The following CDH18 variants were observed in gnomAD, a reference collection of about 807,000 sequenced individuals.
CDH18 encodes cadherin 18.
In CDH18, 31 loss-of-function variants were observed where a neutral mutation model predicts 67.9. The ratio of observed to expected loss-of-function variants is 0.46; its 90% CI spans 0.34 to 0.62. The LOEUF is 0.62. CDH18 is among the 20% of genes least tolerant of loss of function. CDH18 has a pLI of 0.01. For synonymous variants in CDH18, 362 were observed against 347.2 expected (o/e 1.04, Z -0.48); for missense variants, 890 against 975.5 (o/e 0.91, Z 1.17).
intron 1 of CDH18, among the ~76,000 whole-genome samples, chr5:20,271,628 A>G (rs867073267): frequency 3.3e-5 from 5 of 152,174 alleles, no homozygotes; most frequent in Admixed American, 2.6e-4. Context: ...CACACACCAC[A>G]CACGTCACAC....
At chr5:20,325,712 T>C in intron 1 of CDH18, among the ~76,000 whole-genome samples, 1 of 152,316 alleles carries the variant, frequency 6.6e-6, no homozygotes, top group African/African-American at 2.4e-5. Flanking sequence ...ATTTTCTAGC[T>C]GAGTATCATT....
Position 19,898,900 on chromosome 5 carries a change from C to A in CDH18, c.-256-59658G>T, listed in dbSNP as rs1416100125. Among the ~76,000 whole-genome samples, 20 of 152,062 alleles carry A rather than the reference C, an allele frequency of 1.3e-4. 1 individual carries two copies. Among genetic ancestry groups the A allele is most frequent in the Admixed American group, 1.3e-3 (20 of 15,268 alleles). On this transcript the variant is annotated intron_variant, in intron 2 of 12. Coordinates refer to ENST00000382275, the MANE Select transcript of CDH18 (RefSeq NM_004934.5). ...TGAAATGGGAGAAATATTTGAAAAT[C>A]ATATATCTGTTAAGAGGCTCATTAC...
chr5:20,073,513 T>G (rs890230191), intron 2 of CDH18, among the ~76,000 whole-genome samples: 7 of 152,084 alleles, frequency 4.6e-5, no homozygotes, highest in African/African-American at 1.7e-4. Context: ...AAATTGTGCT[T>G]AGTAATGGGA....
At chr5:19,609,396 GTC>G (rs1748590744) in intron 6 of CDH18, among the ~76,000 whole-genome samples, 1 of 151,888 alleles carries the variant, frequency 6.6e-6, no homozygotes, top group Non-Finnish European at 1.5e-5. Context: ...GCATTATCCA[GTC>G]TCTATGCTCC....
chr5:20,165,536 A>G (rs992210777), intron 2 of CDH18, among the ~76,000 whole-genome samples: 2 of 152,118 alleles, frequency 1.3e-5, no homozygotes, highest in Non-Finnish European at 2.9e-5. Context: ...TATTTCTGTA[A>G]TAAAGTTTTA....
intron 5 of CDH18, among the ~76,000 whole-genome samples, chr5:19,690,635 A>G (rs1461474064): frequency 1.3e-5 from 2 of 151,786 alleles, no homozygotes; most frequent in African/African-American, 4.8e-5. Flanking sequence ...AAAAAAAATC[A>G]GAGACAACAT....
chr5:20,062,702 T>C, intron 2 of CDH18, among the ~76,000 whole-genome samples: 1 of 152,102 alleles, frequency 6.6e-6, no homozygotes, highest in Non-Finnish European at 1.5e-5. Context: ...AGAAAGAAGT[T>C]TTGCATCGCT....
intron 2 of CDH18, among the ~76,000 whole-genome samples, chr5:19,953,334 G>A (rs1795977658): frequency 6.6e-6 from 1 of 152,058 alleles, no homozygotes; most frequent in African/African-American, 2.4e-5. Context: ...TACTTACATA[G>A]AGGAAGATTT....
intron 2 of CDH18, among the ~76,000 whole-genome samples, chr5:20,244,371 T>A (rs1743213345): frequency 6.6e-6 from 1 of 152,136 alleles, no homozygotes; most frequent in African/African-American, 2.4e-5. Context: ...ATTATTAGAC[T>A]TATCATCTTG....
intron 8 of CDH18, among the ~76,000 whole-genome samples, chr5:19,555,969 G>A (rs1205337593): frequency 6.6e-6 from 1 of 152,168 alleles, no homozygotes; most frequent in African/African-American, 2.4e-5. Context: ...ACACTCCCCA[G>A]TATCAGCCCA....
chr5:20,027,590 A>G (rs1049300307), intron 2 of CDH18, among the ~76,000 whole-genome samples: 5 of 152,076 alleles, frequency 3.3e-5, no homozygotes, highest in Non-Finnish European at 7.4e-5. Flanking sequence ...TGTTTCCCCC[A>G]TTTTGCTAGG....
At chr5:20,113,495 C>A (rs547491176) in intron 2 of CDH18, among the ~76,000 whole-genome samples, 1 of 152,294 alleles carries the variant, frequency 6.6e-6, no homozygotes, top group African/African-American at 2.4e-5. Flanking sequence ...ATTGCATTCT[C>A]AAGCCAAGAG....
intron 2 of CDH18, among the ~76,000 whole-genome samples, chr5:20,181,170 C>G (rs983587189): frequency 4.6e-5 from 7 of 152,206 alleles, no homozygotes; most frequent in Middle Eastern, 3.4e-3. Flanking sequence ...GTGTGCTGAA[C>G]TCTTACAGGA....
At chr5:20,425,055 T>C (rs10428625) in intron 1 of CDH18, among the ~76,000 whole-genome samples, 1 of 150,766 alleles carries the variant, frequency 6.6e-6, no homozygotes, top group Non-Finnish European at 1.5e-5. Flanking sequence ...ATGAAAGACT[T>C]AGTCTTAGAG....
intron 4 of CDH18, among the ~76,000 whole-genome samples, chr5:19,736,686 T>C (rs1044014558): frequency 2.4e-4 from 37 of 152,168 alleles, no homozygotes; most frequent in African/African-American, 8.9e-4. Flanking sequence ...TTTGGTTCTA[T>C]GTGTGGGGGT....
intron 6 of CDH18, among the ~76,000 whole-genome samples, chr5:19,611,319 A>G (rs924898959): frequency 6.6e-6 from 1 of 152,210 alleles, no homozygotes; most frequent in Non-Finnish European, 1.5e-5. Flanking sequence ...CAAGCATGCA[A>G]AAGTGCTGTG....
At chr5:19,763,533 G>T (rs1581240533) in intron 3 of CDH18, among the ~76,000 whole-genome samples, 1 of 152,092 alleles carries the variant, frequency 6.6e-6, no homozygotes, top group Admixed American at 6.6e-5. Context: ...TCAATTTGAG[G>T]CATGCTAAAT....
intron 5 of CDH18, among the ~76,000 whole-genome samples, chr5:19,661,852 T>C (rs1295365933): frequency 6.6e-6 from 1 of 152,106 alleles, no homozygotes; most frequent in Non-Finnish European, 1.5e-5. Flanking sequence ...ATTTGGGGAA[T>C]CACATAATGT....
intron 2 of CDH18, among the ~76,000 whole-genome samples, chr5:20,201,632 A>T (rs1053193930): frequency 1.3e-5 from 2 of 152,182 alleles, no homozygotes; most frequent in Non-Finnish European, 2.9e-5. Context: ...AACCAGTATT[A>T]TATGATAAAA....
Sources: gnomAD v4.1 joint callset for allele counts (sites outside exome capture counted in the v4.1 genomes callset) on GRCh38, gnomAD v4.1.1 for gene constraint, MANE v1.5 for transcripts, NCBI Gene and HGNC (gene_info 2026-07-23, HGNC 2026-07-21) for gene names.